The following TECPR2 variants were observed in gnomAD, a reference collection of about 807,000 sequenced individuals.
TECPR2 encodes tectonin beta-propeller repeat-containing protein 2.
TECPR2 carries 65 observed loss-of-function variants against 138.1 expected under a neutral mutation model. The observed-to-expected ratio is 0.47, with a 90% CI of 0.39 to 0.58. The LOEUF is 0.58. Ranked by LOEUF, TECPR2 falls within the 20% of genes least tolerant of loss-of-function variation. The pLI is 0.00. For synonymous variants in TECPR2, 746 were observed against 749.8 expected, an observed-to-expected ratio of 0.99 and a Z score of 0.08; for missense variants, 1,553 against 1,824.5, an observed-to-expected ratio of 0.85 and a Z score of 2.71.
At chr14:102,389,003 G>C (rs1426817513) in intron 2 of TECPR2, among the ~76,000 whole-genome samples, 1 of 144,758 alleles carries the variant, frequency 6.9e-6, no homozygotes, top group Non-Finnish European at 1.5e-5. Context: ...GGTGGCACGT[G>C]CCTGTAGTCC....
Position 102,496,969 on chromosome 14 carries a change from C to T in TECPR2, c.3790-10C>T. The T allele has an allele frequency of 6.2e-7, 1 of 1,613,004 alleles. No individual in the cohort carries two copies. Among genetic ancestry groups the T allele is most frequent in the Non-Finnish European group, 8.5e-7 (1 of 1,179,504 alleles). ...TCCTGCCTTCCCTGAAAGTCCCTTC[C>T]CGCTTCCAGCCCGCCGGGGTCAGCT... is the stretch of plus-strand genomic sequence containing the variant. On this transcript the variant is annotated splice_polypyrimidine_tract_variant and intron_variant, in intron 17 of 19. Coordinates refer to ENST00000359520, the MANE Select transcript of TECPR2 (RefSeq NM_014844.5).
At chr14:102,445,714 G>T in intron 12 of TECPR2, 92 bp from the exon 13 acceptor site, 2 of 1,449,684 alleles carry the variant, frequency 1.4e-6, no homozygotes, top group Non-Finnish European at 1.8e-6. Context: ...TCCCAGCCAC[G>T]CCTGCCGGGA....
chr14:102,371,204 A>C (rs994362986), intron 1 of TECPR2, among the ~76,000 whole-genome samples: 1 of 152,100 alleles, frequency 6.6e-6, no homozygotes, highest in African/African-American at 2.4e-5. Context: ...TGTGGGTCTG[A>C]GACCTGGGGG....
intron 4 of TECPR2, among the ~76,000 whole-genome samples, chr14:102,413,951 A>C (rs1888954104): frequency 6.6e-6 from 1 of 151,856 alleles, no homozygotes; most frequent in African/African-American, 2.4e-5. Flanking sequence ...GCACGTGCCA[A>C]CATGCCTGGC....
chr14:102,427,739 C>T (rs1365164656), intron 6 of TECPR2, among the ~76,000 whole-genome samples: 1 of 152,136 alleles, frequency 6.6e-6, no homozygotes, highest in African/African-American at 2.4e-5. Flanking sequence ...CGTGTCTGCA[C>T]GTTATTTCAG....
At chr14:102,366,143 C>G (rs577367009) in intron 1 of TECPR2, among the ~76,000 whole-genome samples, 4 of 152,132 alleles carry the variant, frequency 2.6e-5, no homozygotes, top group South Asian at 4.2e-4. Context: ...AGTCCTAGCT[C>G]CAGTTTGAGA....
chr14:102,381,680 T>G (rs186530602), intron 2 of TECPR2, among the ~76,000 whole-genome samples: 65 of 152,304 alleles, frequency 4.3e-4, no homozygotes, highest in African/African-American at 1.5e-3. Context: ...GAAGGAAAAC[T>G]TAAGAGGGTT....
chr14:102,499,016 T>C lies in TECPR2; in HGVS notation c.*759T>C, dbSNP rs1891373305. 2.9e-6 allele frequency: 2 copies of C among 694,700 alleles called. No individual in the cohort carries two copies. Among genetic ancestry groups the C allele is most frequent in the East Asian group, 2.8e-5 (1 of 36,230 alleles). 43.0% of individuals were successfully genotyped at this position (694,700 alleles called of 1,614,324 possible). A position where few individuals can be genotyped will look rare whatever the true frequency, so the allele number is the denominator to read the frequency against. On this transcript the variant is annotated 3_prime_UTR_variant, in exon 20 of 20. Transcript: ENST00000359520. ...CACTGCACCGCACCGCACCGCACCGTACCTCGCCACATCTCACCACACCAC... is the reference window on the plus strand; with the variant it reads ...CACTGCACCGCACCGCACCGCACCGCACCTCGCCACATCTCACCACACCAC...
At chr14:102,393,519 A>G (rs534601798) in intron 2 of TECPR2, among the ~76,000 whole-genome samples, 6 of 152,296 alleles carry the variant, frequency 3.9e-5, no homozygotes, top group African/African-American at 1.4e-4. Flanking sequence ...AGCACTGCAC[A>G]CCAGTATTGA....
chr14:102,400,053 T>C (rs961482562), intron 2 of TECPR2, among the ~76,000 whole-genome samples: 10 of 150,904 alleles, frequency 6.6e-5, no homozygotes, highest in Middle Eastern at 3.4e-3. Context: ...CTTTTCTTTT[T>C]TTTTTTTTTT....
intron 4 of TECPR2, among the ~76,000 whole-genome samples, chr14:102,411,699 C>CAGAAAAA (rs1888872027): frequency 2.1e-5 from 1 of 46,874 alleles, no homozygotes; most frequent in Non-Finnish European, 3.3e-5. Context: ...CCATGTTGCT[C>CAGAAAAA]AAAAAAAAAA....
At chr14:102,397,899 T>C (rs932232171) in intron 2 of TECPR2, among the ~76,000 whole-genome samples, 2 of 150,662 alleles carry the variant, frequency 1.3e-5, no homozygotes, top group African/African-American at 4.9e-5. Context: ...GAAACCCGGG[T>C]CATCGCTAGT....
In TECPR2 at chr14:102,420,905, G is replaced by GAGCTCTTTGAGC. The variant is rs926091189; in HGVS notation, c.639-4061_639-4050dup. Among the ~76,000 whole-genome samples, 5 of 152,238 alleles carry GAGCTCTTTGAGC rather than the reference G, an allele frequency of 3.3e-5. No individual in the cohort carries two copies. Among genetic ancestry groups the GAGCTCTTTGAGC allele is most frequent in the Non-Finnish European group, 7.4e-5 (5 of 68,022 alleles). ...CCACTCAGATGCACCACCTTGATCT[G>GAGCTCTTTGAGC]AGCTCTTTGAGCAGCTCTTTGAGCC... is the stretch of plus-strand genomic sequence containing the variant. On this transcript the variant is annotated intron_variant, in intron 5 of 19. Coordinates refer to ENST00000359520, the MANE Select transcript of TECPR2 (RefSeq NM_014844.5). This position sits in a 1 kb window ranked among gnomAD's most constrained non-coding sequence, Gnocchi z 4.1.
intron 2 of TECPR2, among the ~76,000 whole-genome samples, chr14:102,402,898 A>G (rs1027641228): frequency 1.3e-5 from 2 of 152,178 alleles, no homozygotes; most frequent in Non-Finnish European, 2.9e-5. Flanking sequence ...TCAATAATCA[A>G]ATATCTCCTT....
intron 17 of TECPR2, among the ~76,000 whole-genome samples, chr14:102,488,238 C>T (rs544297342): frequency 2.0e-5 from 3 of 151,512 alleles, no homozygotes; most frequent in East Asian, 3.9e-4. Context: ...GATTAGGTCT[C>T]GAGCTACTGG....
Position 102,498,831 on chromosome 14 carries a change from T to C in TECPR2, c.*574T>C, listed in dbSNP as rs1345448613. 1 of 606,714 alleles carries C rather than the reference T, an allele frequency of 1.6e-6. No homozygotes were observed. The highest frequency in any genetic ancestry group is 1.8e-5 in the African/African-American group (1 of 55,264). The allele number at this position is 606,714 out of a possible 1,614,324, so 37.6% of individuals were successfully genotyped here. A position where few individuals can be genotyped will look rare whatever the true frequency, so the allele number is the denominator to read the frequency against. On this transcript the variant is annotated 3_prime_UTR_variant, in exon 20 of 20. Transcript: ENST00000359520. ...GGGCTTGAGAGGAGAGCGCTGGCCA[T>C]GCCAGGAGAGAACCCACGCACATGC... is the stretch of plus-strand genomic sequence containing the variant.
intron 18 of TECPR2, 153 bp from the exon 19 acceptor site, chr14:102,497,417 C>T (rs1394686137): frequency 7.8e-6 from 9 of 1,159,642 alleles, no homozygotes; most frequent in Non-Finnish European, 9.3e-6. Context: ...GTCGTCCTTT[C>T]CCTCGGCTCC....
chr14:102,392,151 G>T (rs894059184), intron 2 of TECPR2, among the ~76,000 whole-genome samples: 1 of 151,418 alleles, frequency 6.6e-6, no homozygotes, highest in Non-Finnish European at 1.5e-5. Flanking sequence ...ACCACACCCA[G>T]CTGATTTTTT....
At chr14:102,495,413 C>T (rs1008556297) in intron 17 of TECPR2, among the ~76,000 whole-genome samples, 1 of 152,148 alleles carries the variant, frequency 6.6e-6, no homozygotes. Flanking sequence ...TACATCACAC[C>T]TATTTCTATT....
Sources: allele counts gnomAD v4.1 joint callset (sites outside exome capture counted in the v4.1 genomes callset), GRCh38; gene constraint gnomAD v4.1.1; non-coding constraint Gnocchi (gnomAD v3.1); transcripts MANE v1.5; gene names NCBI Gene and HGNC (gene_info 2026-07-23, HGNC 2026-07-21).